Variants in ADGRL1 observed in about 807,000 individuals in gnomAD.
The protein encoded by ADGRL1 is CIRL-1.
ADGRL1 carries 31 observed loss-of-function variants against 148.9 expected under a neutral mutation model. The ratio of observed to expected loss-of-function variants is 0.21; its 90% CI spans 0.16 to 0.28. The LOEUF (loss-of-function observed/expected upper bound fraction) is 0.28. Ranked by LOEUF, ADGRL1 falls within the 10% of genes least tolerant of loss-of-function variation. The pLI is 1.00. For missense variants in ADGRL1, 1,521 were observed against 2,058.8 expected, an observed-to-expected ratio of 0.74 and a Z score of 5.05; for synonymous variants, 937 against 900.3, an observed-to-expected ratio of 1.04 and a Z score of -0.73.
chr19:14,199,797 G>A (rs185818622), intron 1 of ADGRL1, among the ~76,000 whole-genome samples: 2 of 151,718 alleles, frequency 1.3e-5, no homozygotes, highest in Non-Finnish European at 2.9e-5. Flanking sequence ...GCAATGGCGT[G>A]ATCTTGGCTC....
At chr19:14,203,207 G>C (rs1227004574) in intron 1 of ADGRL1, among the ~76,000 whole-genome samples, 1 of 152,218 alleles carries the variant, frequency 6.6e-6, no homozygotes, top group Non-Finnish European at 1.5e-5. Context: ...CCTCCCCACA[G>C]AGGGGCTGGA....
At chr19:14,178,269 CA>C (rs1970955410) in intron 2 of ADGRL1, among the ~76,000 whole-genome samples, 1 of 152,142 alleles carries the variant, frequency 6.6e-6, no homozygotes, top group Admixed American at 6.5e-5. Context: ...TTTTGGGAGA[CA>C]GAGGTGGGCA....
At position 14,159,719 on chromosome 19, in the gene ADGRL1, AC is replaced by A; in HGVS notation, c.1839+15del. ...TGGAGCCCACGGTCCTTACACTGGG[AC>A]CCCCTGGGTCTCACCTTGATATAAT... On this transcript the variant is annotated intron_variant, in intron 9 of 22. Transcript: ENST00000361434. This position sits in a 1 kb window ranked among gnomAD's most constrained non-coding sequence, Gnocchi z 6.0. The A allele has an allele frequency of 1.2e-6, 2 of 1,612,872 alleles. No individual in the cohort carries two copies. The highest frequency in any genetic ancestry group is 2.2e-5 in the East Asian group (1 of 44,850).
chr19:14,155,939 C>G lies in ADGRL1; in HGVS notation c.3125+171G>C, dbSNP rs1968685024. The G allele has an allele frequency of 3.2e-6, 2 of 622,088 alleles. No homozygotes were observed. The highest frequency in any genetic ancestry group is 3.6e-5 in the African/African-American group (2 of 54,882). 38.5% of individuals were successfully genotyped at this position (622,088 alleles called of 1,614,324 possible). On this transcript the variant is annotated intron_variant, in intron 17 of 22. Transcript: ENST00000361434. This position sits in a 1 kb window ranked among gnomAD's most constrained non-coding sequence, Gnocchi z 5.0. ...TGCTAATGATACGCTATCTAAGACCCATTAAGTAGGTACATAGTGAACACA... is the reference window on the plus strand; with the variant it reads ...TGCTAATGATACGCTATCTAAGACCGATTAAGTAGGTACATAGTGAACACA...
intron 1 of ADGRL1, among the ~76,000 whole-genome samples, chr19:14,196,178 G>C (rs1415091344): frequency 6.6e-6 from 1 of 152,180 alleles, no homozygotes; most frequent in Non-Finnish European, 1.5e-5. Flanking sequence ...AACAATCTTT[G>C]CAAAATGAAA....
intron 3 of ADGRL1, among the ~76,000 whole-genome samples, chr19:14,176,239 T>C (rs759726428): frequency 5.3e-5 from 8 of 151,640 alleles, no homozygotes; most frequent in Non-Finnish European, 1.0e-4. Flanking sequence ...TAGTCCTAGC[T>C]ACTCGGGAGG....
intron 2 of ADGRL1, among the ~76,000 whole-genome samples, chr19:14,180,157 G>C (rs1405459794): frequency 2.0e-5 from 3 of 152,070 alleles, no homozygotes; most frequent in Non-Finnish European, 4.4e-5. Flanking sequence ...CATTGTTGCC[G>C]GGAGAGTTAA....
At chr19:14,204,941 T>TG (rs2145208261) in intron 1 of ADGRL1, among the ~76,000 whole-genome samples, 1 of 151,740 alleles carries the variant, frequency 6.6e-6, no homozygotes, top group African/African-American at 2.4e-5. Flanking sequence ...CTGGCATGGC[T>TG]GGGGGTGGAT....
At chr19:14,183,863 C>T (rs563360025) in intron 1 of ADGRL1, among the ~76,000 whole-genome samples, 166 bp from the exon 2 acceptor site, 1 of 152,302 alleles carries the variant, frequency 6.6e-6, no homozygotes, top group East Asian at 1.9e-4. Context: ...CCACACCCCC[C>T]ACCCTTACAC....
In ADGRL1 at chr19:14,151,543, T is replaced by G. The variant is rs1240778292; in HGVS notation, c.3740A>C (p.Tyr1247Ser). ...LPLNGNFNNS[Y>S]SLRSGDFPPG... ...AGGGAAATCCCCACTTCGCAAGGAG[T>G]AACTGTTATTGAAGTTGCCGTTCAG... The change falls in exon 23 of 23, where the codon TAC (tyrosine) becomes TCC (serine). Residue 1247 changes from tyrosine (Y) to serine (S), a missense_variant. By Grantham distance (144) the Tyr-to-Ser change is moderately radical. Around this residue, in one of 8 missense-constraint regions of ADGRL1, gnomAD observed 390 missense variants for 375.0 expected, o/e 1.04. Coordinates refer to ENST00000361434, the MANE Select transcript of ADGRL1 (RefSeq NM_014921.5). 2 of 1,611,342 alleles carry G rather than the reference T, an allele frequency of 1.2e-6. No individual in the cohort carries two copies. The highest frequency in any genetic ancestry group is 1.3e-5 in the African/African-American group (1 of 74,856).
Position 14,155,548 on chromosome 19 carries a change from G to T in ADGRL1, c.3126-21C>A, listed in dbSNP as rs1968637003. 4.3e-6 allele frequency: 7 copies of T among 1,612,246 alleles called. No homozygotes were observed. Among genetic ancestry groups the T allele is most frequent in the Non-Finnish European group, 5.9e-6 (7 of 1,179,640 alleles). ...AGGATCTGGGAGTGGGGCGACAGGG[G>T]AGTCAAAGTACCCGCCGGAGGGGAC... is the stretch of plus-strand genomic sequence containing the variant. On this transcript the variant is annotated intron_variant, in intron 17 of 22. Transcript: ENST00000361434. The surrounding 1 kb of genome is among the most constrained non-coding windows in gnomAD (Gnocchi z 5.0).
intron 1 of ADGRL1, among the ~76,000 whole-genome samples, chr19:14,190,793 A>G (rs368669293): frequency 2.0e-5 from 3 of 152,282 alleles, no homozygotes; most frequent in South Asian, 2.1e-4. Context: ...GGGGTGTTTT[A>G]AAAGACAATC....
At chr19:14,187,155 G>A (rs1971622848) in intron 1 of ADGRL1, among the ~76,000 whole-genome samples, 2 of 152,094 alleles carry the variant, frequency 1.3e-5, no homozygotes. Flanking sequence ...TGGCCAACAT[G>A]GTGAAACCCC....
chr19:14,184,646 A>ATTTT (rs368698858), intron 1 of ADGRL1, among the ~76,000 whole-genome samples: 6,867 of 97,538 alleles, frequency 0.07, 377 homozygotes, highest in Middle Eastern at 0.16. Context: ...TTATTTATTT[A>ATTTT]TTTTTTTTTC....
chr19:14,195,045 C>T (rs145398918), intron 1 of ADGRL1, among the ~76,000 whole-genome samples: 179 of 151,958 alleles, frequency 1.2e-3, no homozygotes, highest in African/African-American at 4.1e-3. Flanking sequence ...AAACCATGCC[C>T]GGCTAATTTT....
At chr19:14,184,313 T>C (rs895589488) in intron 1 of ADGRL1, among the ~76,000 whole-genome samples, 1 of 151,056 alleles carries the variant, frequency 6.6e-6, no homozygotes, top group Non-Finnish European at 1.5e-5. Flanking sequence ...GGACACTGCC[T>C]CCCCCTCTGG....
intron 3 of ADGRL1, among the ~76,000 whole-genome samples, chr19:14,177,121 C>T (rs1401293063): frequency 6.6e-6 from 1 of 152,182 alleles, no homozygotes; most frequent in Non-Finnish European, 1.5e-5. Context: ...TCCCCAGCTA[C>T]TTGGGAGGCT....
intron 1 of ADGRL1, among the ~76,000 whole-genome samples, chr19:14,184,646 A>ATTTATTTTT (rs1555790748): frequency 1.0e-5 from 1 of 97,732 alleles, no homozygotes; most frequent in African/African-American, 4.2e-5. Flanking sequence ...TTATTTATTT[A>ATTTATTTTT]TTTTTTTTTC....
rs1968172146 is a variant in ADGRL1, at chr19:14,151,364, G to T, written c.3919C>A (p.Pro1307Thr). The change falls in exon 23 of 23, where the codon CCT (proline) becomes ACT (threonine). Residue 1307 changes from proline to threonine, a missense_variant. By Grantham distance (38) the Pro-to-Thr change is conservative (BLOSUM62 -1). Around this residue, in one of 8 missense-constraint regions of ADGRL1, gnomAD observed 390 missense variants for 375.0 expected, o/e 1.04. Coordinates refer to ENST00000361434, the MANE Select transcript of ADGRL1 (RefSeq NM_014921.5). ...GPPPPEPPVPPVPGGGGEEEA... is the reference protein window; with the variant it reads ...GPPPPEPPVPTVPGGGGEEEA... ...TCCTCGCCCCCGCCCCCTGGCACAG[G>T]TGGCACAGGGGGCTCAGGCGGTGGA... 6.2e-7 allele frequency: 1 copy of T among 1,601,156 alleles called. No individual in the cohort carries two copies. Among genetic ancestry groups the T allele is most frequent in the East Asian group, 2.3e-5 (1 of 44,140 alleles).
Sources: allele counts gnomAD v4.1 joint callset (sites outside exome capture counted in the v4.1 genomes callset), GRCh38; gene constraint gnomAD v4.1.1; regional missense constraint gnomAD v4.1.1; non-coding constraint Gnocchi (gnomAD v3.1); transcripts MANE v1.5; gene names NCBI Gene and HGNC (gene_info 2026-07-23, HGNC 2026-07-21).